Variants in CHLSN observed in about 807,000 individuals in gnomAD.
CHLSN encodes protein cholesin.
At chr7:1,027,433 C>T in the CHLSN span, among the ~76,000 whole-genome samples, 1 of 152,256 alleles carries the variant, frequency 6.6e-6, no homozygotes, top group Middle Eastern at 3.2e-3. Flanking sequence ...GAGGACACAG[C>T]GCAGGACCAG....
chr7:1,084,307 C>T, the CHLSN span, among the ~76,000 whole-genome samples: 177 of 152,330 alleles, frequency 1.2e-3, 1 homozygote, highest in African/African-American at 4.1e-3. Flanking sequence ...CTCCCGGGGG[C>T]GTGGGAAGGG....
At chr7:1,090,101 T>A in the CHLSN span, among the ~76,000 whole-genome samples, 1 of 151,404 alleles carries the variant, frequency 6.6e-6, no homozygotes, top group East Asian at 1.9e-4. Context: ...TAACTCCTAA[T>A]GATTTCAAAA....
the CHLSN span, among the ~76,000 whole-genome samples, chr7:1,079,708 CAG>C: frequency 1.3e-5 from 2 of 152,254 alleles, no homozygotes; most frequent in African/African-American, 4.8e-5. Flanking sequence ...TGGGAGGGCT[CAG>C]GGGCAGGGGT....
chr7:987,233 C>T, the CHLSN span: 1 of 1,533,458 alleles, frequency 6.5e-7, no homozygotes, highest in Non-Finnish European at 8.8e-7. Context: ...GGGCCGGCAC[C>T]CGGACGTGCA....
the CHLSN span, among the ~76,000 whole-genome samples, chr7:1,114,909 C>T: frequency 1.3e-5 from 2 of 152,212 alleles, no homozygotes; most frequent in Non-Finnish European, 2.9e-5. Context: ...CAGGGTTGGA[C>T]GTGGGTGGGA....
chr7:1,015,265 G>A, the CHLSN span, among the ~76,000 whole-genome samples: 3 of 152,184 alleles, frequency 2.0e-5, no homozygotes, highest in South Asian at 6.2e-4. Context: ...TGTCCCTGAG[G>A]CATGAGAGCA....
chr7:1,004,609 C>T, the CHLSN span, among the ~76,000 whole-genome samples: 1 of 152,214 alleles, frequency 6.6e-6, no homozygotes, highest in South Asian at 2.1e-4. Context: ...GGCCTCGTCA[C>T]TGGGGGAGCA....
chr7:1,115,488 T>A, the CHLSN span, among the ~76,000 whole-genome samples: 21,801 of 129,424 alleles, frequency 0.17, 1,966 homozygotes, highest in Middle Eastern at 0.29. Flanking sequence ...GCAGGATGAC[T>A]TCACTACAGC....
At chr7:1,131,758 T>G in the CHLSN span, among the ~76,000 whole-genome samples, 1 of 152,262 alleles carries the variant, frequency 6.6e-6, no homozygotes, top group Non-Finnish European at 1.5e-5. Flanking sequence ...CTATATTCAT[T>G]CTGTAAGTTA....
the CHLSN span, among the ~76,000 whole-genome samples, chr7:1,041,774 G>A: frequency 5.3e-5 from 8 of 151,948 alleles, no homozygotes; most frequent in Non-Finnish European, 1.0e-4. Flanking sequence ...CGAGGGGAAC[G>A]CCAGCCAGCT....
At chr7:1,105,488 C>A in the CHLSN span, among the ~76,000 whole-genome samples, 4 of 152,328 alleles carry the variant, frequency 2.6e-5, no homozygotes, top group African/African-American at 9.6e-5. Flanking sequence ...CTGTGAGACG[C>A]TGATCGTTAC....
At chr7:1,096,947 T>A in the CHLSN span, among the ~76,000 whole-genome samples, 10 of 151,880 alleles carry the variant, frequency 6.6e-5, no homozygotes, top group African/African-American at 1.7e-4. The surrounding 1 kb of genome is among the most constrained non-coding windows in gnomAD (Gnocchi z 4.6). Flanking sequence ...TGGGAAGCCA[T>A]TCCAAAGCCG....
chr7:1,044,239 C>G, the CHLSN span, among the ~76,000 whole-genome samples: 5 of 152,250 alleles, frequency 3.3e-5, no homozygotes, highest in Admixed American at 1.3e-4. Flanking sequence ...TATTCTGACT[C>G]AGCAAAATAG....
chr7:1,132,369 A>G, the CHLSN span, among the ~76,000 whole-genome samples: 1 of 152,128 alleles, frequency 6.6e-6, no homozygotes. Context: ...GCCACACAGC[A>G]AGACCACATC....
chr7:1,073,714 GC>G, the CHLSN span, among the ~76,000 whole-genome samples: 1 of 60,594 alleles, frequency 1.7e-5, no homozygotes, highest in South Asian at 6.4e-4. Flanking sequence ...CTGCAGTGAC[GC>G]CCCCGACCCC....
the CHLSN span, among the ~76,000 whole-genome samples, chr7:998,779 C>T: frequency 2.0e-5 from 3 of 152,196 alleles, no homozygotes; most frequent in Non-Finnish European, 2.9e-5. Flanking sequence ...GGCACTTTCT[C>T]GACTTTTTCC....
the CHLSN span, among the ~76,000 whole-genome samples, chr7:1,032,163 A>T: frequency 6.6e-6 from 1 of 152,164 alleles, no homozygotes; most frequent in Non-Finnish European, 1.5e-5. Flanking sequence ...TGCAGGGTAG[A>T]TGGGCCCCAG....
chr7:1,085,368 C>G, the CHLSN span, among the ~76,000 whole-genome samples: 26 of 152,288 alleles, frequency 1.7e-4, no homozygotes, highest in Non-Finnish European at 2.9e-5. Context: ...GTGTACAGGC[C>G]GAGACCATGT....
At chr7:994,615 T>G in the CHLSN span, among the ~76,000 whole-genome samples, 1 of 152,104 alleles carries the variant, frequency 6.6e-6, no homozygotes. Flanking sequence ...GGATTTTTTA[T>G]TTTTTGTTGG....
Sources: allele counts gnomAD v4.1 joint callset (sites outside exome capture counted in the v4.1 genomes callset), GRCh38; gene constraint gnomAD v4.1.1; non-coding constraint Gnocchi (gnomAD v3.1); transcripts MANE v1.5; gene names NCBI Gene and HGNC (gene_info 2026-07-23, HGNC 2026-07-21).